AK8: variants seen among roughly 807,000 people sequenced by gnomAD.
AK8 encodes adenylate kinase 8.
A neutral mutation model predicts 54.6 loss-of-function variants in AK8; 44 were observed. The observed-to-expected ratio is 0.81, with a 90% CI of 0.63 to 1.04. The LOEUF is 1.04. Ranked by LOEUF, AK8 falls within the 50% of genes least tolerant of loss-of-function variation. AK8 has a pLI of 0.00. For missense variants in AK8, 555 were observed against 613.6 expected, an observed-to-expected ratio of 0.90 and a Z score of 1.01; for synonymous variants, 239 against 245.6, an observed-to-expected ratio of 0.97 and a Z score of 0.25.
intron 5 of AK8, among the ~76,000 whole-genome samples, chr9:132,842,806 G>C (rs1477289112): frequency 6.6e-6 from 1 of 152,222 alleles, no homozygotes; most frequent in Non-Finnish European, 1.5e-5. Flanking sequence ...ATTGTTGACA[G>C]AATCCATTTC....
chr9:132,797,394 C>T (rs1840224447), intron 10 of AK8, among the ~76,000 whole-genome samples: 1 of 152,184 alleles, frequency 6.6e-6, no homozygotes, highest in Admixed American at 6.5e-5. Context: ...GGCCAGAGAA[C>T]TTAAGGACTT....
chr9:132,863,188 G>C (rs1843456380), intron 4 of AK8, among the ~76,000 whole-genome samples: 1 of 152,258 alleles, frequency 6.6e-6, no homozygotes, highest in African/African-American at 2.4e-5. Context: ...TGTGCAGCAG[G>C]GTGCCCAAGG....
Position 132,878,263 on chromosome 9 carries a change from T to A in AK8, c.-8A>T. ...GGCGATAGTGGCGTCCATGTAGCCG[T>A]CTCGGCTCGCCGCTCCCTAGTAACC... On this transcript the variant is annotated 5_prime_UTR_variant, in exon 1 of 13. Transcript: ENST00000298545. The surrounding 1 kb of genome is among the most constrained non-coding windows in gnomAD (Gnocchi z 4.7). 1 of 1,353,930 alleles carries A rather than the reference T, an allele frequency of 7.4e-7. No individual in the cohort carries two copies. The highest frequency in any genetic ancestry group is 9.6e-7 in the Non-Finnish European group (1 of 1,044,438). The allele number at this position is 1,353,930 out of a possible 1,614,324, so 83.9% of individuals were successfully genotyped here.
chr9:132,752,384 GGA>G (rs1837974419), intron 11 of AK8, among the ~76,000 whole-genome samples: 1 of 151,578 alleles, frequency 6.6e-6, no homozygotes, highest in African/African-American at 2.4e-5. Flanking sequence ...CGAGCAGCTG[GGA>G]CTATAGGCGC....
At chr9:132,824,952 C>A (rs1841811281) in intron 8 of AK8, among the ~76,000 whole-genome samples, 1 of 152,150 alleles carries the variant, frequency 6.6e-6, no homozygotes, top group Non-Finnish European at 1.5e-5. Context: ...TACAGATGAG[C>A]CAATTAGGCT....
At chr9:132,800,389 A>G (rs1013159459) in intron 10 of AK8, among the ~76,000 whole-genome samples, 2 of 152,190 alleles carry the variant, frequency 1.3e-5, no homozygotes, top group African/African-American at 4.8e-5. Flanking sequence ...CGCACAGAAC[A>G]TTTCCAAACC....
chr9:132,805,992 T>C (rs1840705478), intron 10 of AK8, among the ~76,000 whole-genome samples: 1 of 151,822 alleles, frequency 6.6e-6, no homozygotes, highest in Non-Finnish European at 1.5e-5. Context: ...GCGGGGGCTC[T>C]GGGTTGGGGG....
At chr9:132,852,769 C>CAAAAA (rs35786801) in intron 5 of AK8, among the ~76,000 whole-genome samples, 24 of 16,162 alleles carry the variant, frequency 1.5e-3, no homozygotes, top group Admixed American at 2.5e-3. Context: ...GATTAGGTCT[C>CAAAAA]AAAAAAAAAA....
intron 1 of AK8, among the ~76,000 whole-genome samples, chr9:132,877,365 A>G (rs1480462232): frequency 1.3e-5 from 2 of 152,200 alleles, no homozygotes; most frequent in Non-Finnish European, 2.9e-5. Flanking sequence ...AAATGACCAC[A>G]GACACCACTA....
At chr9:132,855,510 G>A (rs1843141602) in intron 4 of AK8, among the ~76,000 whole-genome samples, 1 of 152,138 alleles carries the variant, frequency 6.6e-6, no homozygotes, top group Admixed American at 6.5e-5. Flanking sequence ...CCTCATGTTG[G>A]TAACAAAATT....
At chr9:132,741,761 T>C (rs1837404262) in intron 11 of AK8, among the ~76,000 whole-genome samples, 1 of 152,182 alleles carries the variant, frequency 6.6e-6, no homozygotes, top group Non-Finnish European at 1.5e-5. Flanking sequence ...ATGGAACATT[T>C]TCATCACTCC....
chr9:132,812,307 G>A (rs946323437), intron 10 of AK8, among the ~76,000 whole-genome samples: 2 of 141,642 alleles, frequency 1.4e-5, no homozygotes, highest in Admixed American at 7.4e-5. Context: ...CTTGGCTCAC[G>A]GCAACCTCTG....
chr9:132,866,287 C>T (rs912342191), intron 3 of AK8, among the ~76,000 whole-genome samples: 8 of 152,326 alleles, frequency 5.3e-5, no homozygotes, highest in South Asian at 4.1e-4. Flanking sequence ...CAGAAAAGGG[C>T]ATTCACTGTC....
chr9:132,850,931 T>C (rs1842949500), intron 5 of AK8, among the ~76,000 whole-genome samples: 1 of 150,904 alleles, frequency 6.6e-6, no homozygotes. Flanking sequence ...AAGTTCTGAT[T>C]CTGGGAGACA....
intron 5 of AK8, among the ~76,000 whole-genome samples, chr9:132,840,375 A>ATT: frequency 6.6e-6 from 1 of 151,086 alleles, no homozygotes; most frequent in African/African-American, 2.4e-5. Context: ...CCTAACCTCC[A>ATT]GAGTGGTGGG....
intron 10 of AK8, 103 bp downstream of exon 10, chr9:132,814,535 G>T: frequency 1.7e-6 from 2 of 1,167,332 alleles, no homozygotes; most frequent in Non-Finnish European, 2.4e-6. Flanking sequence ...TTTCCCGGCT[G>T]TTCTCCCCAA....
At chr9:132,863,297 C>T (rs1353285357) in intron 4 of AK8, among the ~76,000 whole-genome samples, 1 of 152,252 alleles carries the variant, frequency 6.6e-6, no homozygotes, top group African/African-American at 2.4e-5. Context: ...CAGCCCAACC[C>T]TGCATCTCCT....
chr9:132,814,420 C>G (rs1564416534), intron 10 of AK8, among the ~76,000 whole-genome samples: 1 of 152,064 alleles, frequency 6.6e-6, no homozygotes, highest in Non-Finnish European at 1.5e-5. Flanking sequence ...GGGATAACCC[C>G]CCCACATCCA....
At chr9:132,774,665 T>C (rs1839130809) in intron 11 of AK8, among the ~76,000 whole-genome samples, 1 of 152,188 alleles carries the variant, frequency 6.6e-6, no homozygotes, top group South Asian at 2.1e-4. Flanking sequence ...TAAATTTAAG[T>C]GAACGGTCGA....
Sources: gnomAD v4.1 joint callset for allele counts (sites outside exome capture counted in the v4.1 genomes callset) on GRCh38, gnomAD v4.1.1 for gene constraint, Gnocchi (gnomAD v3.1) non-coding constraint, MANE v1.5 for transcripts, NCBI Gene and HGNC (gene_info 2026-07-23, HGNC 2026-07-21) for gene names.